The following ACTR3B variants were observed in gnomAD, a reference collection of about 807,000 sequenced individuals.
ACTR3B encodes the protein actin-related protein 3B.
Under a neutral mutation model 59.0 loss-of-function variants are expected in ACTR3B, and 8 were observed. The observed-to-expected ratio is 0.14, with a 90% CI of 0.08 to 0.24. The LOEUF (loss-of-function observed/expected upper bound fraction) is 0.24, where lower values mean the gene tolerates loss of function less well. ACTR3B is among the 10% of genes least tolerant of loss of function. The pLI is 1.00. For synonymous variants in ACTR3B, 148 were observed against 197.9 expected, an observed-to-expected ratio of 0.75 and a Z score of 2.12; for missense variants, 245 against 552.3, an observed-to-expected ratio of 0.44 and a Z score of 5.58.
chr7:152,819,636 C>A (rs1795993336), intron 6 of ACTR3B, among the ~76,000 whole-genome samples: 6 of 152,184 alleles, frequency 3.9e-5, no homozygotes, highest in Admixed American at 3.9e-4. Context: ...TTCCTGGCCC[C>A]TCACAGACAT....
intron 9 of ACTR3B, among the ~76,000 whole-genome samples, chr7:152,845,192 A>G (rs562203519): frequency 6.9e-6 from 1 of 144,048 alleles, no homozygotes; most frequent in Admixed American, 6.7e-5. Flanking sequence ...TATGCTGGGT[A>G]ATATAATATA....
In ACTR3B at chr7:152,852,131, C is replaced by T. The variant is rs150589116; in HGVS notation, c.957C>T (p.Val319=). The T allele has an allele frequency of 1.8e-4, 288 of 1,614,038 alleles. 1 individual carries two copies. In the African/African-American group the frequency reaches 3.3e-3, roughly 18 times the overall value. The change falls in exon 10 of 12, where the codon GTC becomes GTT. Residue 319 remains valine (V), a synonymous_variant. Coordinates refer to ENST00000256001, the MANE Select transcript of ACTR3B (RefSeq NM_020445.6). ...IDVRRPLYKN[V]VLSGGSTMFR... is the part of the protein sequence containing the mutation. Reference sequence around the variant, plus strand: ...CTCTGCTTTGTGTCTTGTAGAATGTCGTACTCTCAGGAGGCTCCACCATGT... The same window carrying T: ...CTCTGCTTTGTGTCTTGTAGAATGTTGTACTCTCAGGAGGCTCCACCATGT...
intron 4 of ACTR3B, among the ~76,000 whole-genome samples, chr7:152,808,974 A>G (rs181541015): frequency 6.6e-6 from 1 of 152,234 alleles, no homozygotes; most frequent in African/African-American, 2.4e-5. Flanking sequence ...TGGAATCTGC[A>G]TCTCTTACTC....
intron 4 of ACTR3B, 184 bp from the exon 5 acceptor site, chr7:152,814,366 C>T (rs987300224): frequency 8.6e-5 from 43 of 502,208 alleles, no homozygotes; most frequent in African/African-American, 8.4e-4. Flanking sequence ...TTTACTCTGA[C>T]GTCTTAAAGC....
intron 2 of ACTR3B, among the ~76,000 whole-genome samples, chr7:152,797,492 TTAAC>T (rs764227501): frequency 6.6e-6 from 1 of 152,352 alleles, no homozygotes; most frequent in East Asian, 1.9e-4. Context: ...ATCTAGCTAA[TTAAC>T]AAATGCATTA....
chr7:152,779,264 A>G (rs2966517), intron 1 of ACTR3B, among the ~76,000 whole-genome samples: 2,716 of 145,862 alleles, frequency 0.019, 90 homozygotes, highest in African/African-American at 0.063. Context: ...AATCGCGCAC[A>G]GCCCCTGGGA....
chr7:152,760,117 G>T (rs150870767), intron 1 of ACTR3B, among the ~76,000 whole-genome samples, 191 bp downstream of exon 1: 4 of 152,152 alleles, frequency 2.6e-5, no homozygotes. Context: ...CCTCTTCCCT[G>T]CCGGGAAGGG....
chr7:152,766,373 G>A (rs886182924), intron 1 of ACTR3B, among the ~76,000 whole-genome samples: 1 of 152,200 alleles, frequency 6.6e-6, no homozygotes, highest in African/African-American at 2.4e-5. Context: ...GGCACCCTGT[G>A]CATAGCACGT....
At chr7:152,852,902 C>T (rs1463736962) in intron 10 of ACTR3B, among the ~76,000 whole-genome samples, 3 of 152,086 alleles carry the variant, frequency 2.0e-5, no homozygotes, top group African/African-American at 7.2e-5. Flanking sequence ...CACCATTCTC[C>T]TGCCTCAGCC....
At chr7:152,796,871 T>TTTG (rs1563102336) in intron 2 of ACTR3B, among the ~76,000 whole-genome samples, 1 of 105,260 alleles carries the variant, frequency 9.5e-6, no homozygotes, top group African/African-American at 3.6e-5. Context: ...TTTTTTTTTT[T>TTTG]TTTTTTTTTT....
chr7:152,792,210 T>G (rs1262156920), intron 2 of ACTR3B, among the ~76,000 whole-genome samples: 6 of 152,150 alleles, frequency 3.9e-5, no homozygotes, highest in Non-Finnish European at 5.9e-5. Flanking sequence ...ATAATTGTCT[T>G]AAATCTTTCC....
In ACTR3B at chr7:152,800,510, T is replaced by C. The variant is rs765673620; in HGVS notation, c.101-21T>C. 1.2e-5 allele frequency: 19 copies of C among 1,611,812 alleles called. No homozygotes were observed. The South Asian group carries it at 2.1e-4, about 18-fold the overall frequency. On this transcript the variant is annotated intron_variant, in intron 2 of 11. Coordinates refer to ENST00000256001, the MANE Select transcript of ACTR3B (RefSeq NM_020445.6). ...AGATATGGATAGTGATAGAAATCTG[T>C]GTGTGTGTGTTTTTTTTAAGGTATT...
chr7:152,837,080 G>A (rs1217775084), intron 9 of ACTR3B, among the ~76,000 whole-genome samples: 2 of 152,236 alleles, frequency 1.3e-5, no homozygotes, highest in Non-Finnish European at 2.9e-5. Flanking sequence ...GGAGACTGAG[G>A]CAGCAGGATT....
chr7:152,797,566 G>T (rs2098221619), intron 2 of ACTR3B, among the ~76,000 whole-genome samples: 1 of 152,108 alleles, frequency 6.6e-6, no homozygotes, highest in African/African-American at 2.4e-5. Context: ...CATTTTTTAA[G>T]AATGCAATAT....
intron 2 of ACTR3B, among the ~76,000 whole-genome samples, chr7:152,796,221 C>A (rs1188931028): frequency 6.6e-6 from 1 of 152,134 alleles, no homozygotes; most frequent in Non-Finnish European, 1.5e-5. Flanking sequence ...TTTCCTCCTT[C>A]AATTTGTTGC....
At chr7:152,820,207 CA>C in intron 6 of ACTR3B, 91 bp from the exon 7 acceptor site, 1 of 1,561,934 alleles carries the variant, frequency 6.4e-7, no homozygotes, top group South Asian at 1.2e-5. Context: ...GAGGGGCAGA[CA>C]GGGAGGCTGA....
chr7:152,759,951 C>T (rs1456430664), intron 1 of ACTR3B, 25 bp downstream of exon 1: 12 of 1,346,986 alleles, frequency 8.9e-6, no homozygotes, highest in Non-Finnish European at 9.6e-7. Flanking sequence ...GCGCCCACCC[C>T]CGCTCCTCCG....
chr7:152,767,927 A>G (rs2098114900), intron 1 of ACTR3B, among the ~76,000 whole-genome samples: 1 of 152,190 alleles, frequency 6.6e-6, no homozygotes, highest in East Asian at 1.9e-4. Flanking sequence ...AGATATAAAA[A>G]CTTGTCATTG....
At position 152,852,015 on chromosome 7, in the gene ACTR3B, G is replaced by T. The variant is rs1380049501; in HGVS notation, c.952-111G>T. ...TTTTGTTCGCATCTTTCATAGGGCC[G>T]ATGTGTCGTGCCCACAAGCGATTGG... On this transcript the variant is annotated intron_variant, in intron 9 of 11. Transcript: ENST00000256001. The T allele has an allele frequency of 9.2e-6, 13 of 1,415,178 alleles. No individual in the cohort carries two copies. The African/African-American group carries it at 1.9e-4, about 20-fold the overall frequency. 87.7% of individuals were successfully genotyped at this position (1,415,178 alleles called of 1,614,324 possible).
Sources: gnomAD v4.1 joint callset for allele counts (sites outside exome capture counted in the v4.1 genomes callset) on GRCh38, gnomAD v4.1.1 for gene constraint, MANE v1.5 for transcripts, NCBI Gene and HGNC (gene_info 2026-07-23, HGNC 2026-07-21) for gene names.